Variants in TTC28 observed in about 807,000 individuals in gnomAD.
The protein encoded by TTC28 is tetratricopeptide repeat protein 28.
Under a neutral mutation model 198.0 loss-of-function variants are expected in TTC28, and 61 were observed. The observed-to-expected ratio is 0.31, with a 90% confidence interval of 0.25 to 0.38. TTC28 has a LOEUF of 0.38. Among genes scored for constraint, TTC28 ranks in the 10% least tolerant of loss-of-function variants. TTC28 has a pLI of 1.00. For missense variants in TTC28, 2,678 were observed against 3,164.0 expected (o/e 0.85, Z 3.69); for synonymous variants, 1,171 against 1,297.8 (o/e 0.90, Z 2.10).
At chr22:28,111,360 G>A (rs1159425397) in intron 6 of TTC28, among the ~76,000 whole-genome samples, 3 of 152,066 alleles carry the variant, frequency 2.0e-5, no homozygotes, top group South Asian at 2.1e-4. Context: ...TAAGCTTCCC[G>A]AGAGGAAATA....
chr22:28,251,998 A>C (rs1930546975), intron 5 of TTC28, among the ~76,000 whole-genome samples: 1 of 152,338 alleles, frequency 6.6e-6, no homozygotes, highest in Non-Finnish European at 1.5e-5. Flanking sequence ...GTTGTATTAT[A>C]TATAGCGGGG....
intron 12 of TTC28, among the ~76,000 whole-genome samples, chr22:28,044,964 C>T (rs775885950): frequency 5.3e-5 from 8 of 152,232 alleles, no homozygotes; most frequent in African/African-American, 1.4e-4. Flanking sequence ...GTTTCACTTC[C>T]GTTAGCTCAA....
At chr22:28,574,353 TTGTGTGTGTGTGTGTGTGTGTGTTG>T (rs1180890430) in intron 2 of TTC28, among the ~76,000 whole-genome samples, 9 of 148,632 alleles carry the variant, frequency 6.1e-5, no homozygotes, top group African/African-American at 2.0e-4. Flanking sequence ...ACTCCACTGT[TTGTGTGTGTGTGTGTGTGTGTGTTG>T]TGTGTGAGTG....
chr22:28,399,413 C>T (rs920427520), intron 2 of TTC28, among the ~76,000 whole-genome samples: 5 of 149,648 alleles, frequency 3.3e-5, no homozygotes, highest in African/African-American at 9.8e-5. Flanking sequence ...ACCTCCCAGG[C>T]TCAAGTAATC....
intron 13 of TTC28, among the ~76,000 whole-genome samples, chr22:28,026,320 C>A (rs1938833178): frequency 6.6e-6 from 1 of 152,168 alleles, no homozygotes; most frequent in African/African-American, 2.4e-5. Flanking sequence ...GAGGTCCCTG[C>A]CCAGCAGACA....
In TTC28 at chr22:27,978,658, A is replaced by T. The variant is rs73166771; in HGVS notation, c.*3563T>A. 6.6e-5 allele frequency: 10 copies of T among 152,360 alleles called. No homozygotes were observed. The highest frequency in any genetic ancestry group is 1.2e-4 in the Non-Finnish European group (8 of 68,040). The allele number at this position is 152,360 out of a possible 1,614,324, so 9.4% of individuals were successfully genotyped here. ...GGACCGTGAATTTTTAAAAAATGGA[A>T]TGGAGGTGAAAACTTTCATTTTGTG... On this transcript the variant is annotated 3_prime_UTR_variant, in exon 23 of 23. Transcript: ENST00000397906.
intron 5 of TTC28, among the ~76,000 whole-genome samples, chr22:28,286,681 A>T (rs1031876031): frequency 1.1e-4 from 16 of 152,234 alleles, no homozygotes; most frequent in African/African-American, 3.9e-4. Flanking sequence ...AACAAGTAGT[A>T]TGGGAATACA....
chr22:28,185,966 A>T (rs929769862), intron 5 of TTC28, among the ~76,000 whole-genome samples: 5 of 152,226 alleles, frequency 3.3e-5, no homozygotes, highest in African/African-American at 1.2e-4. Flanking sequence ...AAGAAAAACA[A>T]AAAATGAGAA....
At chr22:28,055,820 C>A (rs1255127279) in intron 12 of TTC28, among the ~76,000 whole-genome samples, 1 of 152,134 alleles carries the variant, frequency 6.6e-6, no homozygotes, top group Non-Finnish European at 1.5e-5. Context: ...CACCACCCAT[C>A]TGTCACTCAT....
chr22:28,602,488 GA>G (rs1173933115), intron 2 of TTC28, among the ~76,000 whole-genome samples: 1 of 152,098 alleles, frequency 6.6e-6, no homozygotes, highest in Non-Finnish European at 1.5e-5. Flanking sequence ...CATACTGAAG[GA>G]TTTAGGGGGT....
chr22:28,345,420 C>T (rs2045890009), intron 2 of TTC28, among the ~76,000 whole-genome samples: 1 of 152,190 alleles, frequency 6.6e-6, no homozygotes, highest in Admixed American at 6.5e-5. Context: ...GAACCATCTC[C>T]TTTCCAAGCC....
chr22:27,997,459 C>T (rs1028020209), intron 16 of TTC28: 3 of 152,238 alleles, frequency 2.0e-5, no homozygotes, highest in African/African-American at 7.2e-5. Flanking sequence ...AGGCAGCCAC[C>T]CCTGCAGCTG....
chr22:28,577,100 C>A (rs945846702), intron 2 of TTC28, among the ~76,000 whole-genome samples: 6 of 152,020 alleles, frequency 3.9e-5, no homozygotes, highest in African/African-American at 1.4e-4. Context: ...TTGATGTAGA[C>A]ACTTATTGCC....
chr22:28,145,875 T>G (rs1943457505), intron 6 of TTC28, among the ~76,000 whole-genome samples: 1 of 152,242 alleles, frequency 6.6e-6, no homozygotes, highest in African/African-American at 2.4e-5. Flanking sequence ...ACTAACTCAT[T>G]CAATCCTCAC....
intron 2 of TTC28, among the ~76,000 whole-genome samples, chr22:28,328,709 G>A (rs997907860): frequency 4.0e-5 from 6 of 150,138 alleles, no homozygotes; most frequent in East Asian, 3.9e-4. Context: ...AGCCAAGATC[G>A]TGCCACTGCA....
At chr22:28,602,920 C>G (rs942883868) in intron 2 of TTC28, among the ~76,000 whole-genome samples, 7 of 152,128 alleles carry the variant, frequency 4.6e-5, no homozygotes, top group African/African-American at 1.7e-4. Context: ...TGCTCTGTCG[C>G]CCAGGCTGGA....
At chr22:28,055,629 C>A (rs1184087685) in intron 12 of TTC28, among the ~76,000 whole-genome samples, 1 of 152,150 alleles carries the variant, frequency 6.6e-6, no homozygotes, top group Non-Finnish European at 1.5e-5. Flanking sequence ...ACGATCATAA[C>A]CCCCATTTTA....
chr22:28,078,138 T>C (rs1416932015), intron 12 of TTC28, among the ~76,000 whole-genome samples: 1 of 152,258 alleles, frequency 6.6e-6, no homozygotes, highest in Non-Finnish European at 1.5e-5. Flanking sequence ...AGCACTTCTT[T>C]TATTTTTAAA....
chr22:28,054,583 C>T (rs1370976977), intron 12 of TTC28, among the ~76,000 whole-genome samples: 3 of 152,102 alleles, frequency 2.0e-5, no homozygotes, highest in Admixed American at 2.0e-4. Context: ...AACTCATCCA[C>T]CCGCCATCTT....
Sources: allele counts gnomAD v4.1 joint callset (sites outside exome capture counted in the v4.1 genomes callset), GRCh38; gene constraint gnomAD v4.1.1; transcripts MANE v1.5; gene names NCBI Gene and HGNC (gene_info 2026-07-23, HGNC 2026-07-21).